Variants in SH3RF2 observed in about 807,000 individuals in gnomAD.
The protein encoded by SH3RF2 is SH3 domain containing ring finger 2, also known as E3 ubiquitin-protein ligase SH3RF2.
In SH3RF2, 43 loss-of-function variants were observed where a neutral mutation model predicts 59.0. The ratio of observed to expected loss-of-function variants is 0.73; its 90% confidence interval spans 0.57 to 0.94. The LOEUF (loss-of-function observed/expected upper bound fraction) is 0.94. Among genes scored for constraint, SH3RF2 ranks in the 40% least tolerant of loss-of-function variants. SH3RF2 has a pLI of 0.00. For missense variants in SH3RF2, 930 were observed against 940.1 expected (o/e 0.99, Z 0.14); for synonymous variants, 391 against 391.5 (o/e 1.00, Z 0.01).
At chr5:146,018,187 A>G (rs546957056) in intron 5 of SH3RF2, among the ~76,000 whole-genome samples, 1 of 152,186 alleles carries the variant, frequency 6.6e-6, no homozygotes, top group East Asian at 1.9e-4. Flanking sequence ...ATTTTAATGT[A>G]CCCATCACCG....
intron 8 of SH3RF2, among the ~76,000 whole-genome samples, chr5:146,057,984 C>CTATATATATA (rs751628879): frequency 1.4e-4 from 21 of 145,828 alleles, no homozygotes; most frequent in African/African-American, 5.6e-4. Context: ...ATCTATCTAT[C>CTATATATATA]TATATATATA....
chr5:146,014,191 T>C (rs550001141), intron 5 of SH3RF2, 130 bp downstream of exon 5: 6 of 853,248 alleles, frequency 7.0e-6, no homozygotes, highest in South Asian at 3.3e-5. Context: ...TAATGCCATA[T>C]GTATTCCATG....
chr5:146,007,095 G>C (rs1262584130), intron 4 of SH3RF2, among the ~76,000 whole-genome samples: 1 of 152,222 alleles, frequency 6.6e-6, no homozygotes, highest in African/African-American at 2.4e-5. Flanking sequence ...GGGTATCATT[G>C]CCTCTGCCAT....
intron 2 of SH3RF2, among the ~76,000 whole-genome samples, chr5:145,965,149 C>T (rs1375273336): frequency 4.0e-5 from 6 of 151,698 alleles, no homozygotes; most frequent in East Asian, 1.9e-4. Flanking sequence ...GCTGAGATCG[C>T]GCCACTGCAC....
chr5:146,079,841 G>T (rs1763396451), exon 10 of SH3RF2: 1 of 152,198 alleles, frequency 6.6e-6, no homozygotes. Context: ...GGGAAGAGGT[G>T]GGATTGAGCA....
intron 4 of SH3RF2, among the ~76,000 whole-genome samples, chr5:146,010,365 A>G (rs1316632931): frequency 1.3e-5 from 2 of 152,236 alleles, no homozygotes; most frequent in Non-Finnish European, 2.9e-5. Context: ...TCATAGCAGC[A>G]TGATTTATAA....
chr5:145,985,603 C>A (rs1035185120), intron 2 of SH3RF2, among the ~76,000 whole-genome samples: 10 of 152,198 alleles, frequency 6.6e-5, no homozygotes, highest in Non-Finnish European at 1.2e-4. Context: ...CTGCCTTCTA[C>A]CCATGACTAA....
rs546233801 is a variant in SH3RF2, at chr5:146,042,970, G to A, written c.1060-4802G>A. The A allele has an allele frequency of 3.3e-5, 5 of 152,356 alleles. No homozygotes were observed. In the East Asian group the frequency reaches 9.7e-4, roughly 29 times the overall value. The allele number at this position is 152,356 out of a possible 1,614,324, so 9.4% of individuals were successfully genotyped here. A position where few individuals can be genotyped will look rare whatever the true frequency, so the allele number is the denominator to read the frequency against. On this transcript the variant is annotated intron_variant, in intron 5 of 9. Coordinates refer to ENST00000359120, the MANE Select transcript of SH3RF2 (RefSeq NM_152550.4). ...CCATCCAGCCTCACAAACTCCTTGTGGCACAGGCACCTGAGGTCACAATTG... is the reference window on the plus strand; with the variant it reads ...CCATCCAGCCTCACAAACTCCTTGTAGCACAGGCACCTGAGGTCACAATTG...
intron 2 of SH3RF2, among the ~76,000 whole-genome samples, chr5:145,995,468 C>T (rs1486535500): frequency 6.6e-6 from 1 of 152,178 alleles, no homozygotes; most frequent in Non-Finnish European, 1.5e-5. Flanking sequence ...CCAGCTTTTA[C>T]GTGCTTATTT....
At chr5:146,010,794 A>C (rs1760853982) in intron 4 of SH3RF2, among the ~76,000 whole-genome samples, 3 of 152,154 alleles carry the variant, frequency 2.0e-5, no homozygotes, top group Middle Eastern at 6.8e-3. Flanking sequence ...TTGTCAGATG[A>C]GTAGATTGCA....
chr5:145,937,972 G>T lies in SH3RF2; in HGVS notation c.44G>T (p.Cys15Phe). 6.2e-7 allele frequency: 1 copy of T among 1,614,200 alleles called. No homozygotes were observed. The change falls in exon 2 of 10, where the codon TGC becomes TTC. Residue 15 changes from cysteine to phenylalanine, a missense_variant. By Grantham distance (205) the Cys-to-Phe change is radical (BLOSUM62 -2). Coordinates refer to ENST00000359120, the MANE Select transcript of SH3RF2 (RefSeq NM_152550.4). Reference protein sequence around the residue: ...TLLDLLECPVCFEKLDVTAKV... With the variant: ...TLLDLLECPVFFEKLDVTAKV... ...CTTGATCTTCTGGAGTGCCCTGTGT[G>T]CTTTGAGAAGCTCGATGTCACAGCC...
intron 2 of SH3RF2, among the ~76,000 whole-genome samples, chr5:145,978,141 T>C (rs1759365314): frequency 6.6e-6 from 1 of 152,210 alleles, no homozygotes; most frequent in South Asian, 2.1e-4. Flanking sequence ...AAACTGGGAT[T>C]CCGATTATCT....
chr5:145,958,133 C>A (rs904171379), intron 2 of SH3RF2, among the ~76,000 whole-genome samples: 19 of 150,426 alleles, frequency 1.3e-4, no homozygotes, highest in Non-Finnish European at 2.4e-4. Flanking sequence ...AACAAAAAAA[C>A]AAAACAAAAC....
At chr5:145,965,209 T>TA (rs1472454588) in intron 2 of SH3RF2, among the ~76,000 whole-genome samples, 73 of 150,946 alleles carry the variant, frequency 4.8e-4, no homozygotes, top group African/African-American at 1.7e-3. Context: ...AAATTAAAAT[T>TA]AAGAAAAAAA....
At chr5:145,939,718 G>A (rs62393702) in intron 2 of SH3RF2, among the ~76,000 whole-genome samples, 4 of 152,100 alleles carry the variant, frequency 2.6e-5, no homozygotes, top group Admixed American at 1.3e-4. Context: ...GTAGGGGTGG[G>A]GAAGCAAATT....
intron 5 of SH3RF2, among the ~76,000 whole-genome samples, chr5:146,016,784 T>G (rs77974618): frequency 0.025 from 3,744 of 152,304 alleles, 163 homozygotes; most frequent in African/African-American, 0.086. Flanking sequence ...TGGCTCCTTT[T>G]GAATGCTAAG....
chr5:145,975,179 G>A (rs1055205461), intron 2 of SH3RF2, among the ~76,000 whole-genome samples: 4 of 152,168 alleles, frequency 2.6e-5, no homozygotes, highest in South Asian at 2.1e-4. Context: ...TTCATGGCTC[G>A]TTTGCAATGT....
At chr5:145,993,472 CA>C (rs1339086391) in intron 2 of SH3RF2, among the ~76,000 whole-genome samples, 1 of 152,218 alleles carries the variant, frequency 6.6e-6, no homozygotes, top group Non-Finnish European at 1.5e-5. Context: ...GCCACTGCAG[CA>C]AAATTCTGCC....
chr5:145,948,264 C>T (rs180972126), intron 2 of SH3RF2, among the ~76,000 whole-genome samples: 3 of 152,260 alleles, frequency 2.0e-5, no homozygotes, highest in African/African-American at 4.8e-5. Context: ...TTTATCATCC[C>T]TCTAGTTGTG....
Sources: gnomAD v4.1 joint callset for allele counts (sites outside exome capture counted in the v4.1 genomes callset) on GRCh38, gnomAD v4.1.1 for gene constraint, MANE v1.5 for transcripts, NCBI Gene and HGNC (gene_info 2026-07-23, HGNC 2026-07-21) for gene names.